The following FAM220A variants were observed in gnomAD, a reference collection of about 807,000 sequenced individuals.
FAM220A encodes protein FAM220A.
For synonymous variants in FAM220A, 141 were observed against 130.7 expected (o/e 1.08, Z -0.54); for missense variants, 392 against 321.6 (o/e 1.22, Z -1.68).
chr7:6,335,971 G>A (rs772833908), intron 1 of FAM220A, among the ~76,000 whole-genome samples: 4 of 152,000 alleles, frequency 2.6e-5, no homozygotes, highest in Admixed American at 2.0e-4. Flanking sequence ...ACAGGAGTTC[G>A]AGATCAGCCT....
At position 6,330,531 on chromosome 7, in the gene FAM220A, T is replaced by C; in HGVS notation, c.624A>G (p.Thr208=). 4 of 1,614,208 alleles carry C rather than the reference T, an allele frequency of 2.5e-6. No homozygotes were observed. The highest frequency in any genetic ancestry group is 3.4e-6 in the Non-Finnish European group (4 of 1,180,040). ...VYPEVLLSEE[T]KRIFLDRLKP... Reference sequence around the variant, plus strand: ...TTAAACGGTCAAGGAAAATGCGTTTTGTCTCCTCACTCAGGAGCACTTCGG... The same window carrying C: ...TTAAACGGTCAAGGAAAATGCGTTTCGTCTCCTCACTCAGGAGCACTTCGG... Residue 208 remains threonine, a synonymous_variant, in exon 2 of 2, where the codon ACA becomes ACG. Transcript: ENST00000313324.
At chr7:6,339,115 A>G (rs1333630543) in intron 1 of FAM220A, among the ~76,000 whole-genome samples, 1 of 152,212 alleles carries the variant, frequency 6.6e-6, no homozygotes, top group African/African-American at 2.4e-5. Flanking sequence ...CTGAATCATG[A>G]TCACAAGGAA....
At chr7:6,337,390 G>C (rs1009435014) in intron 1 of FAM220A, among the ~76,000 whole-genome samples, 2 of 152,062 alleles carry the variant, frequency 1.3e-5, no homozygotes, top group Non-Finnish European at 2.9e-5. Flanking sequence ...CCAAAGTGTT[G>C]GGATTACAGG....
chr7:6,340,147 A>C (rs1269450982), intron 1 of FAM220A, among the ~76,000 whole-genome samples: 1 of 152,066 alleles, frequency 6.6e-6, no homozygotes, highest in African/African-American at 2.4e-5. Context: ...GGCCTCCCAA[A>C]GTGCTGGGAT....
At chr7:6,338,265 A>G (rs1781784311) in intron 1 of FAM220A, among the ~76,000 whole-genome samples, 1 of 152,192 alleles carries the variant, frequency 6.6e-6, no homozygotes, top group Non-Finnish European at 1.5e-5. Flanking sequence ...GTTTTTTCAT[A>G]GTTTTTTCTC....
In FAM220A at chr7:6,348,929, C is replaced by T. The variant is rs1052584159; in HGVS notation, c.-438G>A. ...GCACGTCACGCTCGGAGAAGTGCCT[C>T]CGCGAGCAGCCGCCTGTACCAGCCT... On this transcript the variant is annotated 5_prime_UTR_variant, in exon 1 of 2. Coordinates refer to ENST00000313324, the MANE Select transcript of FAM220A (RefSeq NM_001037163.2). 5.2e-6 allele frequency: 2 copies of T among 383,240 alleles called. No homozygotes were observed. The highest frequency in any genetic ancestry group is 9.0e-5 in the Admixed American group (2 of 22,142). The allele number at this position is 383,240 out of a possible 1,614,324, so 23.7% of individuals were successfully genotyped here. A position where few individuals can be genotyped will look rare whatever the true frequency, so the allele number is the denominator to read the frequency against.
chr7:6,332,954 T>A (rs1583236114), intron 1 of FAM220A, among the ~76,000 whole-genome samples: 2 of 150,696 alleles, frequency 1.3e-5, no homozygotes, highest in South Asian at 2.1e-4. Context: ...AGGTCAGGAG[T>A]TCGAGACAAG....
intron 1 of FAM220A, among the ~76,000 whole-genome samples, chr7:6,340,419 AACATGGGTAAGTAC>A (rs1486410063): frequency 3.9e-5 from 6 of 152,276 alleles, no homozygotes; most frequent in Middle Eastern, 3.4e-3. Context: ...ACACAGCCCC[AACATGGGTAAGTAC>A]ACTTCAGTAG....
intron 1 of FAM220A, among the ~76,000 whole-genome samples, chr7:6,346,879 G>A (rs186731889): frequency 7.8e-4 from 119 of 152,250 alleles, no homozygotes; most frequent in Middle Eastern, 6.8e-3. Flanking sequence ...GCACGCCAGG[G>A]AGCAACCCAA....
chr7:6,345,484 C>CA (rs1781935303), intron 1 of FAM220A, among the ~76,000 whole-genome samples: 1 of 152,058 alleles, frequency 6.6e-6, no homozygotes, highest in African/African-American at 2.4e-5. Flanking sequence ...TACAATAGTC[C>CA]AGGCGAGTGG....
intron 1 of FAM220A, among the ~76,000 whole-genome samples, chr7:6,344,478 A>T (rs909945174): frequency 2.0e-5 from 3 of 152,022 alleles, no homozygotes; most frequent in African/African-American, 7.2e-5. Flanking sequence ...CCTGGAGTAC[A>T]GTGGTACAAT....
At chr7:6,347,199 T>A (rs755629) in intron 1 of FAM220A, among the ~76,000 whole-genome samples, 1 of 151,952 alleles carries the variant, frequency 6.6e-6, no homozygotes, top group Non-Finnish European at 1.5e-5. Context: ...AAAAGGCAAC[T>A]GGAATTCAAG....
At chr7:6,335,858 G>A (rs2115134026) in intron 1 of FAM220A, among the ~76,000 whole-genome samples, 1 of 151,332 alleles carries the variant, frequency 6.6e-6, no homozygotes, top group Non-Finnish European at 1.5e-5. Flanking sequence ...AACACAGCAA[G>A]ACCCTGTCTC....
At chr7:6,338,891 G>A (rs1026163006) in intron 1 of FAM220A, among the ~76,000 whole-genome samples, 9 of 152,306 alleles carry the variant, frequency 5.9e-5, no homozygotes, top group East Asian at 1.9e-4. Flanking sequence ...GCAGGGCCGC[G>A]GTGGGCCTTG....
At chr7:6,333,016 A>T (rs918218888) in intron 1 of FAM220A, among the ~76,000 whole-genome samples, 3 of 151,854 alleles carry the variant, frequency 2.0e-5, no homozygotes, top group Non-Finnish European at 2.9e-5. Flanking sequence ...AAACAGCCAG[A>T]CGTGCTGGCG....
At chr7:6,332,930 G>A (rs1781665708) in intron 1 of FAM220A, among the ~76,000 whole-genome samples, 1 of 152,130 alleles carries the variant, frequency 6.6e-6, no homozygotes, top group Non-Finnish European at 1.5e-5. Flanking sequence ...GGAGGCCAAG[G>A]CGGACAAATC....
At chr7:6,332,421 T>C (rs1427679876) in intron 1 of FAM220A, among the ~76,000 whole-genome samples, 1 of 152,220 alleles carries the variant, frequency 6.6e-6, no homozygotes, top group Non-Finnish European at 1.5e-5. Context: ...CTTTTGAGTG[T>C]TGTCTGAATT....
Position 6,347,095 on chromosome 7 carries a change from G to A in FAM220A, c.-82+1478C>T, listed in dbSNP as rs1018078751. 7.9e-5 allele frequency among the ~76,000 whole-genome samples: 12 copies of A among 152,196 alleles called. No individual in the cohort carries two copies. In the East Asian group the frequency reaches 2.3e-3, roughly 29 times the overall value. On this transcript the variant is annotated intron_variant, in intron 1 of 1. Transcript: ENST00000313324. ...TAATCCTAGTGCTTTGGGAGGGCAA[G>A]GCAGGAGGATCACTTGAGGCCAGAA...
Position 6,348,811 on chromosome 7 carries a change from G to T in FAM220A, c.-320C>A, listed in dbSNP as rs1782005077. 5.1e-6 allele frequency: 2 copies of T among 395,388 alleles called. No individual in the cohort carries two copies. Among genetic ancestry groups the T allele is most frequent in the Non-Finnish European group, 8.9e-6 (2 of 224,100 alleles). The allele number at this position is 395,388 out of a possible 1,614,324, so 24.5% of individuals were successfully genotyped here. On this transcript the variant is annotated 5_prime_UTR_variant, in exon 1 of 2. Coordinates refer to ENST00000313324, the MANE Select transcript of FAM220A (RefSeq NM_001037163.2). ...CCGCCCGCCCTCTCCGCGCCGCGTCGCCCCGGCAGCTGACCCTCGCCTGGC... is the reference window on the plus strand; with the variant it reads ...CCGCCCGCCCTCTCCGCGCCGCGTCTCCCCGGCAGCTGACCCTCGCCTGGC...
Sources: gnomAD v4.1 joint callset for allele counts (sites outside exome capture counted in the v4.1 genomes callset) on GRCh38, gnomAD v4.1.1 for gene constraint, MANE v1.5 for transcripts, NCBI Gene and HGNC (gene_info 2026-07-23, HGNC 2026-07-21) for gene names.